ADGRD1: variants seen among roughly 807,000 people sequenced by gnomAD.
The protein encoded by ADGRD1 is G-protein coupled receptor 133.
ADGRD1 carries 77 observed loss-of-function variants against 113.4 expected under a neutral mutation model. The ratio of observed to expected loss-of-function variants is 0.68; its 90% CI spans 0.57 to 0.82. The LOEUF is 0.82. Among genes scored for constraint, ADGRD1 ranks in the 40% least tolerant of loss-of-function variants. The probability of loss-of-function intolerance (pLI) is 0.00; values close to 1 mark genes in which losing one functional copy is unlikely to be tolerated. For synonymous variants in ADGRD1, 474 were observed against 475.0 expected, an observed-to-expected ratio of 1.00 and a Z score of 0.03; for missense variants, 1,036 against 1,139.1, an observed-to-expected ratio of 0.91 and a Z score of 1.30.
intron 7 of ADGRD1, among the ~76,000 whole-genome samples, chr12:130,991,516 C>T (rs927111844): frequency 3.3e-5 from 5 of 152,154 alleles, no homozygotes; most frequent in Non-Finnish European, 7.3e-5. Context: ...TGCACAGACT[C>T]TGACCCATCT....
intron 13 of ADGRD1, among the ~76,000 whole-genome samples, chr12:131,061,130 CA>C (rs1236290023): frequency 6.6e-6 from 1 of 152,182 alleles, no homozygotes; most frequent in Non-Finnish European, 1.5e-5. Context: ...AGGCTTATAA[CA>C]TCAGGACCTG....
intron 8 of ADGRD1, among the ~76,000 whole-genome samples, chr12:130,998,028 C>T (rs1470417704): frequency 6.6e-6 from 1 of 152,122 alleles, no homozygotes; most frequent in Admixed American, 6.5e-5. Context: ...ACAGCGAAAC[C>T]CCGTCTCCAC....
intron 4 of ADGRD1, among the ~76,000 whole-genome samples, chr12:130,973,568 T>C (rs1871943232): frequency 6.6e-6 from 1 of 152,190 alleles, no homozygotes; most frequent in Non-Finnish European, 1.5e-5. Flanking sequence ...GAACTGATCA[T>C]AATAGCTGCA....
At chr12:130,981,863 T>C (rs1372323919) in intron 4 of ADGRD1, 21 bp from the exon 5 acceptor site, 1 of 1,582,176 alleles carries the variant, frequency 6.3e-7, no homozygotes, top group African/African-American at 1.4e-5. Flanking sequence ...TGTGAATAAC[T>C]GATCTTGTGA....
At chr12:131,001,184 A>G (rs1023580919) in intron 9 of ADGRD1, among the ~76,000 whole-genome samples, 2 of 152,208 alleles carry the variant, frequency 1.3e-5, no homozygotes, top group Non-Finnish European at 2.9e-5. Flanking sequence ...ATACATGACA[A>G]TATGTACTTC....
chr12:131,019,249 T>C (rs1377717394), intron 13 of ADGRD1, among the ~76,000 whole-genome samples: 1 of 152,214 alleles, frequency 6.6e-6, no homozygotes, highest in Non-Finnish European at 1.5e-5. Context: ...CCCAGTGGGC[T>C]GAGACCTTCG....
At chr12:131,111,500 C>G (rs1022235647) in intron 18 of ADGRD1, among the ~76,000 whole-genome samples, 8 of 152,168 alleles carry the variant, frequency 5.3e-5, no homozygotes, top group African/African-American at 1.9e-4. Context: ...GTTCCTTTCT[C>G]TATCTCCTGT....
chr12:131,135,317 C>G (rs547210696), intron 21 of ADGRD1, among the ~76,000 whole-genome samples: 4 of 152,218 alleles, frequency 2.6e-5, no homozygotes, highest in Non-Finnish European at 5.9e-5. Flanking sequence ...TATAACCTGC[C>G]TCTCCTGTGT....
In ADGRD1 at chr12:130,954,654, C is replaced by CTGG; in HGVS notation, c.97_98insTGG (p.His33delinsLeuAsp). 6.2e-7 allele frequency: 1 copy of CTGG among 1,613,006 alleles called. No individual in the cohort carries two copies. Among genetic ancestry groups the CTGG allele is most frequent in the South Asian group, 1.1e-5 (1 of 91,020 alleles). The stretch of plus-strand genomic sequence containing the variant: ...TGGCGTCTACTCCAGATCGCAGGAC[C>CTGG]ATCCAGGTAAGAGTGTTTCCTTCTC... On this transcript the variant is annotated protein_altering_variant, in exon 2 of 25. Coordinates refer to ENST00000261654, the MANE Select transcript of ADGRD1 (RefSeq NM_198827.5). The surrounding 1 kb of genome is among the most constrained non-coding windows in gnomAD (Gnocchi z 4.7).
chr12:131,099,900 G>C (rs1950030614), intron 15 of ADGRD1, among the ~76,000 whole-genome samples: 1 of 152,128 alleles, frequency 6.6e-6, no homozygotes, highest in Non-Finnish European at 1.5e-5. Context: ...GCTTTGGGTG[G>C]GTTTGATAAA....
chr12:131,070,884 G>A (rs772220469), intron 13 of ADGRD1: 1 of 519,078 alleles, frequency 1.9e-6, no homozygotes, highest in South Asian at 1.4e-5. Flanking sequence ...ACGTCCTGGA[G>A]AGTCGGGTGA....
chr12:131,088,727 G>C (rs4759540), intron 15 of ADGRD1, among the ~76,000 whole-genome samples: 125,064 of 152,162 alleles, frequency 0.82, 52,313 homozygotes, highest in East Asian at 0.92. Context: ...AGAAGCGGCA[G>C]CCCGCTGGTG....
At chr12:131,048,903 C>T (rs1255296445) in intron 13 of ADGRD1, among the ~76,000 whole-genome samples, 5 of 151,996 alleles carry the variant, frequency 3.3e-5, no homozygotes, top group Non-Finnish European at 5.9e-5. Flanking sequence ...GCTTAGCTTC[C>T]TGACACTCAG....
At position 131,002,180 on chromosome 12, in the gene ADGRD1, G is replaced by T. The variant is rs554765655; in HGVS notation, c.1027-1005G>T. Among the ~76,000 whole-genome samples, 216 of 115,482 alleles carry T rather than the reference G, an allele frequency of 1.9e-3. 1 individual carries two copies. The highest frequency in any genetic ancestry group is 7.2e-3 in the African/African-American group (202 of 27,986). The allele number at this position is 115,482 out of a possible 152,430, so 75.8% of individuals were successfully genotyped here. On this transcript the variant is annotated intron_variant, in intron 9 of 24. Transcript: ENST00000261654. ...ATCCAGGCAGACGTATTTTGTGCAT[G>T]ATTTTAATTAACTGCTTTTGAATGC...
intron 12 of ADGRD1, among the ~76,000 whole-genome samples, chr12:131,012,557 GCTT>G (rs1878064105): frequency 6.6e-6 from 1 of 152,174 alleles, no homozygotes; most frequent in African/African-American, 2.4e-5. Flanking sequence ...AATTCTGCGT[GCTT>G]CTTGGAGGCC....
At chr12:130,992,460 C>T in intron 8 of ADGRD1, 68 bp downstream of exon 8, 1 of 1,328,648 alleles carries the variant, frequency 7.5e-7, no homozygotes, top group Non-Finnish European at 1.0e-6. Flanking sequence ...ATAGATGTTT[C>T]TGTTTGACCT....
At chr12:131,042,599 A>G (rs1882249586) in intron 13 of ADGRD1, among the ~76,000 whole-genome samples, 1 of 152,188 alleles carries the variant, frequency 6.6e-6, no homozygotes, top group South Asian at 2.1e-4. Flanking sequence ...TTTCTAAAGG[A>G]AACTCCCACC....
At position 130,954,541 on chromosome 12, in the gene ADGRD1, C is replaced by CTT. The variant is rs1869279956; in HGVS notation, c.66+10_66+11insTT. The CTT allele has an allele frequency of 6.2e-7, 1 of 1,612,690 alleles. No individual in the cohort carries two copies. Among genetic ancestry groups the CTT allele is most frequent in the African/African-American group, 1.3e-5 (1 of 74,806 alleles). ...TTATTACAACTTTCAGGTAATGTCC[C>CTT]CAAGTGGCCAGGATGGCGACAGGCT... On this transcript the variant is annotated intron_variant, in intron 1 of 24. Coordinates refer to ENST00000261654, the MANE Select transcript of ADGRD1 (RefSeq NM_198827.5). This position sits in a 1 kb window ranked among gnomAD's most constrained non-coding sequence, Gnocchi z 4.7.
chr12:131,000,672 C>T (rs1202422646), intron 9 of ADGRD1, among the ~76,000 whole-genome samples: 11 of 141,200 alleles, frequency 7.8e-5, no homozygotes, highest in African/African-American at 8.0e-5. Flanking sequence ...ACCTGGGAGG[C>T]GGAGGTTGCA....
Sources: gnomAD v4.1 joint callset for allele counts (sites outside exome capture counted in the v4.1 genomes callset) on GRCh38, gnomAD v4.1.1 for gene constraint, Gnocchi (gnomAD v3.1) non-coding constraint, MANE v1.5 for transcripts, NCBI Gene and HGNC (gene_info 2026-07-23, HGNC 2026-07-21) for gene names.